ADK: variants seen among roughly 807,000 people sequenced by gnomAD.
ADK encodes the protein N6,N6-dimethyladenosine kinase.
In ADK, 24 loss-of-function variants were observed where a neutral mutation model predicts 44.7. The observed-to-expected ratio is 0.54, with a 90% CI of 0.39 to 0.76. ADK has a LOEUF of 0.76. ADK is among the 30% of genes least tolerant of loss of function. ADK has a pLI of 0.00. For missense variants in ADK, 321 were observed against 425.1 expected, an observed-to-expected ratio of 0.76 and a Z score of 2.15; for synonymous variants, 128 against 142.6, an observed-to-expected ratio of 0.90 and a Z score of 0.73.
intron 3 of ADK, among the ~76,000 whole-genome samples, chr10:74,275,168 C>T (rs566805613): frequency 7.2e-5 from 11 of 152,068 alleles, no homozygotes; most frequent in Admixed American, 2.0e-4. Flanking sequence ...ATCATGACTT[C>T]CAGCTTCTTC....
At chr10:74,606,422 G>A (rs1852325806) in intron 9 of ADK, among the ~76,000 whole-genome samples, 2 of 151,948 alleles carry the variant, frequency 1.3e-5, no homozygotes, top group East Asian at 3.9e-4. Flanking sequence ...CTGTGTCCCA[G>A]AGATTCGTTG....
At chr10:74,171,334 A>G (rs989290534) in intron 1 of ADK, among the ~76,000 whole-genome samples, 1 of 152,110 alleles carries the variant, frequency 6.6e-6, no homozygotes, top group Non-Finnish European at 1.5e-5. Context: ...ACTAATTTAT[A>G]CTCCCATTAA....
intron 3 of ADK, among the ~76,000 whole-genome samples, chr10:74,243,660 C>G (rs978630711): frequency 5.3e-5 from 8 of 152,056 alleles, no homozygotes; most frequent in African/African-American, 1.9e-4. Flanking sequence ...GCCAGGAGTT[C>G]GAGACCAGCC....
intron 6 of ADK, among the ~76,000 whole-genome samples, chr10:74,410,479 G>T (rs1230514315): frequency 6.6e-6 from 1 of 152,064 alleles, no homozygotes; most frequent in East Asian, 1.9e-4. Flanking sequence ...TTTGAGACCA[G>T]CCTGGCCAAA....
At chr10:74,301,871 A>T (rs963434084) in intron 3 of ADK, among the ~76,000 whole-genome samples, 1 of 152,022 alleles carries the variant, frequency 6.6e-6, no homozygotes, top group Non-Finnish European at 1.5e-5. Context: ...CGAAAATACT[A>T]AAAATACTCA....
At chr10:74,558,109 G>A (rs868259804) in intron 7 of ADK, among the ~76,000 whole-genome samples, 2 of 152,184 alleles carry the variant, frequency 1.3e-5, no homozygotes, top group Admixed American at 6.5e-5. Flanking sequence ...AAGCAATTTA[G>A]AACAAAGAGC....
At chr10:74,594,913 C>T (rs1011557716) in intron 8 of ADK, among the ~76,000 whole-genome samples, 14 of 152,104 alleles carry the variant, frequency 9.2e-5, no homozygotes, top group Non-Finnish European at 1.9e-4. Context: ...GTGGCTCCCA[C>T]GCCTGTAATC....
chr10:74,452,382 CTAAT>C (rs1483297634), intron 6 of ADK, among the ~76,000 whole-genome samples: 5 of 151,888 alleles, frequency 3.3e-5, no homozygotes, highest in Non-Finnish European at 5.9e-5. Flanking sequence ...AAGTCTGTCT[CTAAT>C]TGATTGACAC....
intron 7 of ADK, among the ~76,000 whole-genome samples, chr10:74,529,735 G>A (rs975234340): frequency 6.6e-6 from 1 of 152,072 alleles, no homozygotes; most frequent in African/African-American, 2.4e-5. Flanking sequence ...GCTTCAAGAG[G>A]TATTTATATA....
chr10:74,612,148 T>TA (rs1852576273), intron 9 of ADK, among the ~76,000 whole-genome samples: 1 of 152,174 alleles, frequency 6.6e-6, no homozygotes, highest in Middle Eastern at 3.2e-3. Flanking sequence ...TTTTACTTTT[T>TA]AATAATAGCT....
At chr10:74,473,306 T>TAA (rs1846678972) in intron 6 of ADK, among the ~76,000 whole-genome samples, 1 of 152,142 alleles carries the variant, frequency 6.6e-6, no homozygotes, top group African/African-American at 2.4e-5. Context: ...ATAGTAAAAA[T>TAA]AAGTTCCATG....
intron 4 of ADK, among the ~76,000 whole-genome samples, chr10:74,345,482 A>T (rs1296812722): frequency 3.3e-5 from 5 of 151,842 alleles, no homozygotes; most frequent in African/African-American, 1.2e-4. Context: ...TAATTTTTAA[A>T]TTTTTTGCAG....
intron 5 of ADK, among the ~76,000 whole-genome samples, chr10:74,394,890 CCTTA>C (rs1184415692): frequency 6.6e-6 from 1 of 151,874 alleles, no homozygotes; most frequent in Non-Finnish European, 1.5e-5. Context: ...TTCTATACAC[CCTTA>C]CTTATTAGAA....
intron 6 of ADK, among the ~76,000 whole-genome samples, chr10:74,451,799 A>G (rs938190378): frequency 1.3e-5 from 2 of 152,130 alleles, no homozygotes; most frequent in African/African-American, 4.8e-5. Flanking sequence ...AAATGAAGGA[A>G]CAAAATACCA....
chr10:74,607,921 G>A (rs916993433), intron 9 of ADK, among the ~76,000 whole-genome samples: 1 of 151,784 alleles, frequency 6.6e-6, no homozygotes, highest in Non-Finnish European at 1.5e-5. Flanking sequence ...TTGGAGGTTT[G>A]TTAGTTCCTT....
At chr10:74,373,123 G>GAA (rs1212324517) in intron 4 of ADK, among the ~76,000 whole-genome samples, 6 of 141,708 alleles carry the variant, frequency 4.2e-5, no homozygotes, top group African/African-American at 1.5e-4. Flanking sequence ...ATCCATATGG[G>GAA]AAAAAAAAAA....
rs948293361 is a variant in ADK at position 74,666,149 on chromosome 10, A to G, written c.878-4034A>G. 7.2e-5 allele frequency among the ~76,000 whole-genome samples: 11 copies of G among 152,188 alleles called. 1 individual carries two copies. The highest frequency in any genetic ancestry group is 7.2e-4 in the Admixed American group (11 of 15,266). On this transcript the variant is annotated intron_variant, in intron 9 of 10. Coordinates refer to ENST00000539909, the MANE Select transcript of ADK (RefSeq NM_006721.4). ...ATCTCTAATATAATTGACTTTCATTATTGATGCATGAAGATGTTTTTATTC... is the reference window on the plus strand; with the variant it reads ...ATCTCTAATATAATTGACTTTCATTGTTGATGCATGAAGATGTTTTTATTC...
chr10:74,594,982 C>G (rs1851852590), intron 8 of ADK, among the ~76,000 whole-genome samples: 1 of 152,002 alleles, frequency 6.6e-6, no homozygotes, highest in African/African-American at 2.4e-5. Context: ...TCGAGACCAG[C>G]CTGGCCAACA....
intron 9 of ADK, among the ~76,000 whole-genome samples, chr10:74,647,566 C>T (rs893159134): frequency 6.6e-6 from 1 of 152,114 alleles, no homozygotes; most frequent in Non-Finnish European, 1.5e-5. Flanking sequence ...CCTCAGGGAG[C>T]ACACTTTTCT....
Sources: gnomAD v4.1 joint callset for allele counts (sites outside exome capture counted in the v4.1 genomes callset) on GRCh38, gnomAD v4.1.1 for gene constraint, MANE v1.5 for transcripts, NCBI Gene and HGNC (gene_info 2026-07-23, HGNC 2026-07-21) for gene names.